The following CYB5R3 variants were observed in gnomAD, a reference collection of about 807,000 sequenced individuals.
CYB5R3 encodes cytochrome b5 reductase 3, also known as NADH-cytochrome b5 reductase 3.
CYB5R3 carries 28 observed loss-of-function variants against 36.5 expected under a neutral mutation model. The observed-to-expected ratio is 0.77, with a 90% confidence interval of 0.57 to 1.05. CYB5R3 has a LOEUF of 1.05. CYB5R3 is among the 50% of genes least tolerant of loss of function. The pLI, the probability that CYB5R3 is intolerant of heterozygous loss-of-function variation, is 0.00. For missense variants in CYB5R3, 474 were observed against 408.9 expected (o/e 1.16, Z -1.37); for synonymous variants, 181 against 159.8 (o/e 1.13, Z -1.00).
At position 42,619,653 on chromosome 22, in the gene CYB5R3, G is replaced by A; in HGVS notation, c.*120C>T. 1.0e-6 allele frequency: 1 copy of A among 953,692 alleles called. No individual in the cohort carries two copies. Among genetic ancestry groups the A allele is most frequent in the East Asian group, 2.6e-5 (1 of 37,852 alleles). The allele number at this position is 953,692 out of a possible 1,614,324, so 59.1% of individuals were successfully genotyped here. ...AACTGCTCAGCCAGGTGATTCACCA[G>A]GGCACGGGCAGGCCAGGCTGAACCC... On this transcript the variant is annotated 3_prime_UTR_variant, in exon 9 of 9. Coordinates refer to ENST00000352397, the MANE Select transcript of CYB5R3 (RefSeq NM_000398.7).
At chr22:42,623,106 A>C (rs893593144) in intron 8 of CYB5R3, among the ~76,000 whole-genome samples, 2 of 152,228 alleles carry the variant, frequency 1.3e-5, no homozygotes, top group Non-Finnish European at 2.9e-5. Context: ...CATCACCAGA[A>C]TGTTTCCTGG....
chr22:42,638,400 A>G (rs940967383), intron 1 of CYB5R3, among the ~76,000 whole-genome samples: 2 of 147,452 alleles, frequency 1.4e-5, no homozygotes, highest in African/African-American at 5.0e-5. Context: ...CCATCTCAAA[A>G]AAAAAAAAAA....
At chr22:42,625,135 T>C (rs137130) in intron 7 of CYB5R3, among the ~76,000 whole-genome samples, 48,298 of 152,084 alleles carry the variant, frequency 0.32, 10,923 homozygotes, top group East Asian at 0.68. Context: ...AAAAAGTACC[T>C]GAAACCCTTC....
intron 1 of CYB5R3, chr22:42,644,550 G>A (rs776752395): frequency 1.3e-5 from 19 of 1,503,664 alleles, no homozygotes; most frequent in Non-Finnish European, 1.6e-5. Flanking sequence ...TCCCTGATGA[G>A]CCCTTCCCTA....
At chr22:42,628,446 GCACCCCGTCCTT>G (rs1420884226) in intron 4 of CYB5R3, among the ~76,000 whole-genome samples, 165 bp from the exon 5 acceptor site, 2 of 152,056 alleles carry the variant, frequency 1.3e-5, no homozygotes, top group Non-Finnish European at 2.9e-5. Flanking sequence ...TACCTGTCCT[GCACCCCGTCCTT>G]CACCCCGTCC....
intron 1 of CYB5R3, among the ~76,000 whole-genome samples, chr22:42,646,106 G>GC (rs1336832099): frequency 6.6e-6 from 1 of 152,156 alleles, no homozygotes; most frequent in Non-Finnish European, 1.5e-5. Flanking sequence ...CTCGTCCACA[G>GC]CACCACCCCA....
Position 42,638,954 on chromosome 22 carries a change from A to C in CYB5R3, c.22-2108T>G, listed in dbSNP as rs12171070. ...GAAACTGAGGCAGGAGAAATGCTTG[A>C]AGCTAGGAGATGGAGGTTGCAGTGA... On this transcript the variant is annotated intron_variant, in intron 1 of 8. Coordinates refer to ENST00000352397, the MANE Select transcript of CYB5R3 (RefSeq NM_000398.7). The C allele has an allele frequency of 6.5e-3, 2,214 of 339,678 alleles. 47 individuals are homozygous for C. The highest frequency in any genetic ancestry group is 0.046 in the African/African-American group (2,056 of 44,858). The allele number at this position is 339,678 out of a possible 1,614,324, so 21.0% of individuals were successfully genotyped here.
chr22:42,647,681 T>C (rs990858206), intron 1 of CYB5R3, among the ~76,000 whole-genome samples: 2 of 148,818 alleles, frequency 1.3e-5, no homozygotes, highest in Non-Finnish European at 3.0e-5. Flanking sequence ...ATCATGCCAC[T>C]GCACTCCAAC....
chr22:42,623,452 G>A (rs1027005970), intron 8 of CYB5R3, among the ~76,000 whole-genome samples: 4 of 152,234 alleles, frequency 2.6e-5, no homozygotes, highest in Admixed American at 6.5e-5. Flanking sequence ...AGCAGCAGCC[G>A]CCACCGCTGC....
intron 1 of CYB5R3, among the ~76,000 whole-genome samples, chr22:42,645,498 A>G (rs1030195562): frequency 3.9e-5 from 6 of 152,124 alleles, no homozygotes; most frequent in African/African-American, 1.4e-4. Context: ...TTCCACACTC[A>G]GAGAGGACAT....
chr22:42,642,237 A>T (rs1025608000), intron 1 of CYB5R3, among the ~76,000 whole-genome samples: 1 of 151,452 alleles, frequency 6.6e-6, no homozygotes, highest in Non-Finnish European at 1.5e-5. Flanking sequence ...CCAGTCCCCG[A>T]AGTAACTGGG....
In CYB5R3 at chr22:42,637,527, G is replaced by A. The variant is rs73423183; in HGVS notation, c.22-681C>T. 7.8e-3 allele frequency among the ~76,000 whole-genome samples: 1,181 copies of A among 152,280 alleles called. 15 individuals are homozygous for A. The highest frequency in any genetic ancestry group is 0.027 in the African/African-American group (1,130 of 41,554). On this transcript the variant is annotated intron_variant, in intron 1 of 8. Transcript: ENST00000352397. ...GGGGTTCTGCCATCAGGTGTAAGGG[G>A]AAGCGAAGCACTGAGCCAGGCACTG...
intron 1 of CYB5R3, among the ~76,000 whole-genome samples, chr22:42,637,086 A>G (rs893011718): frequency 6.6e-6 from 1 of 152,234 alleles, no homozygotes; most frequent in Admixed American, 6.5e-5. Context: ...CAGTACCATG[A>G]GAAAAAGCTC....
chr22:42,623,022 C>T (rs1372217366), intron 8 of CYB5R3, among the ~76,000 whole-genome samples: 1 of 152,226 alleles, frequency 6.6e-6, no homozygotes, highest in Non-Finnish European at 1.5e-5. Flanking sequence ...GGGCTGTGTC[C>T]TCCGGACCAG....
rs1435291580 is a variant in CYB5R3, at chr22:42,627,186, C to T, written c.633+118G>A. The T allele has an allele frequency of 2.8e-5, 25 of 881,410 alleles. No homozygotes were observed. The Admixed American group carries it at 3.6e-4, about 13-fold the overall frequency. The allele number at this position is 881,410 out of a possible 1,614,324, so 54.6% of individuals were successfully genotyped here. A position where few individuals can be genotyped will look rare whatever the true frequency, so the allele number is the denominator to read the frequency against. On this transcript the variant is annotated intron_variant, in intron 7 of 8. Transcript: ENST00000352397. ...GCACAGAACATTCAGGGCCCCCCAT[C>T]CCGGTCATCCCCAGAATCTCAGCAG...
intron 1 of CYB5R3, 150 bp from the exon 2 acceptor site, chr22:42,636,996 C>T: frequency 9.1e-7 from 1 of 1,095,766 alleles, no homozygotes; most frequent in Non-Finnish European, 1.3e-6. Context: ...CTTCATCATC[C>T]ATTTTGGTGC....
chr22:42,642,603 TA>T (rs1398857593), intron 1 of CYB5R3, among the ~76,000 whole-genome samples: 1 of 152,038 alleles, frequency 6.6e-6, no homozygotes, highest in Non-Finnish European at 1.5e-5. Flanking sequence ...CAAGCCCAGT[TA>T]ATTTTTGGTA....
In CYB5R3 at chr22:42,630,988, C is replaced by G; in HGVS notation, c.227G>C (p.Gly76Ala). 1 of 1,613,492 alleles carries G rather than the reference C, an allele frequency of 6.2e-7. No homozygotes were observed. The highest frequency in any genetic ancestry group is 1.1e-5 in the South Asian group (1 of 90,940). Residue 76 changes from glycine (G) to alanine (A), a missense_variant and splice_region_variant, in exon 4 of 9, where the codon GGC (glycine) becomes GCC (alanine). By Grantham distance (60) the Gly-to-Ala change is moderately conservative. Coordinates refer to ENST00000352397, the MANE Select transcript of CYB5R3 (RefSeq NM_000398.7). ...TCGAGCCGAGAGGTAGATGTGCTGG[C>G]CTGCAGGACAGAACGGGGTCACTCT... The part of the protein sequence containing the change: ...SPQHILGLPV[G>A]QHIYLSARID...
At chr22:42,641,282 T>C (rs1231993264) in intron 1 of CYB5R3, among the ~76,000 whole-genome samples, 1 of 152,160 alleles carries the variant, frequency 6.6e-6, no homozygotes, top group East Asian at 1.9e-4. Flanking sequence ...GTAGGAAAGT[T>C]TTGGGGGAAC....
Sources: allele counts gnomAD v4.1 joint callset (sites outside exome capture counted in the v4.1 genomes callset), GRCh38; gene constraint gnomAD v4.1.1; transcripts MANE v1.5; gene names NCBI Gene and HGNC (gene_info 2026-07-23, HGNC 2026-07-21).